RFC1: variants seen among roughly 807,000 people sequenced by gnomAD.
RFC1 encodes replication factor C subunit 1.
Under a neutral mutation model 137.4 loss-of-function variants are expected in RFC1, and 37 were observed. The observed-to-expected ratio is 0.27, with a 90% CI of 0.21 to 0.35. RFC1 has a LOEUF of 0.35. RFC1 is among the 10% of genes least tolerant of loss of function. The probability of loss-of-function intolerance (pLI) is 1.00; values close to 1 mark genes in which losing one functional copy is unlikely to be tolerated. For synonymous variants in RFC1, 429 were observed against 455.7 expected (o/e 0.94, Z 0.75); for missense variants, 1,205 against 1,358.5 (o/e 0.89, Z 1.78).
chr4:39,359,695 G>A (rs1376338413), intron 1 of RFC1, among the ~76,000 whole-genome samples: 3 of 151,916 alleles, frequency 2.0e-5, no homozygotes, highest in East Asian at 1.9e-4. Context: ...GGTGGCGGGC[G>A]CCTGTAGTCC....
chr4:39,351,976 A>G (rs1741229921), intron 1 of RFC1, among the ~76,000 whole-genome samples: 1 of 152,006 alleles, frequency 6.6e-6, no homozygotes, highest in Admixed American at 6.6e-5. Flanking sequence ...CAAAAAAAAA[A>G]AAAAAAAAGA....
rs529961293 is a variant in RFC1, at chr4:39,360,183, T to C, written c.3+6056A>G. 1.1e-4 allele frequency among the ~76,000 whole-genome samples: 16 copies of C among 152,026 alleles called. No individual in the cohort carries two copies. The South Asian group carries it at 3.1e-3, about 30-fold the overall frequency. On this transcript the variant is annotated intron_variant, in intron 1 of 24. Coordinates refer to ENST00000349703, the MANE Select transcript of RFC1 (RefSeq NM_002913.5). ...GAGTTTGAGACCAGCCTGGCCAACG[T>C]GGTGAAACCCCATCACTACTAAAAA...
chr4:39,320,576 T>C lies in RFC1; in HGVS notation c.902A>G (p.Lys301Arg), dbSNP rs1340472680. The C allele has an allele frequency of 5.6e-6, 9 of 1,613,614 alleles. No individual in the cohort carries two copies. The South Asian group carries it at 9.9e-5, about 18-fold the overall frequency. The change falls in exon 9 of 25, where the codon AAG (lysine) becomes AGG (arginine). Residue 301 changes from lysine (K) to arginine (R), a missense_variant. Lys to Arg is a conservative substitution (Grantham distance 26). Coordinates refer to ENST00000349703, the MANE Select transcript of RFC1 (RefSeq NM_002913.5). ...ESSKESQQHS[K>R]SSADKIGEVS... is the part of the protein sequence containing the mutation. ...TTCTCCTATTTTGTCAGCTGATGAC[T>C]TGGAATGTTGCTGAGATTCTTTTGA...
At chr4:39,344,311 G>C (rs1369329833) in intron 3 of RFC1, among the ~76,000 whole-genome samples, 13 of 152,074 alleles carry the variant, frequency 8.5e-5, no homozygotes, top group Non-Finnish European at 1.5e-5. Context: ...CCTTTAAATT[G>C]TGTTTATTCC....
chr4:39,291,101 C>T (rs1480983128), intron 23 of RFC1, among the ~76,000 whole-genome samples: 2 of 152,078 alleles, frequency 1.3e-5, no homozygotes, highest in Admixed American at 6.5e-5. Flanking sequence ...TACACAGGTG[C>T]AAGAGTTGGG....
intron 4 of RFC1, among the ~76,000 whole-genome samples, chr4:39,335,589 T>C (rs1490651473): frequency 6.6e-6 from 1 of 152,092 alleles, no homozygotes; most frequent in Non-Finnish European, 1.5e-5. Context: ...TGTGATGTTA[T>C]CCACCACACA....
chr4:39,289,815 T>A (rs767544379), intron 24 of RFC1, 33 bp downstream of exon 24: 1 of 1,432,686 alleles, frequency 7.0e-7, no homozygotes, highest in East Asian at 2.3e-5. Flanking sequence ...TCATCTATTT[T>A]GAGGTTCTCC....
chr4:39,355,177 C>G (rs762186157), intron 1 of RFC1, among the ~76,000 whole-genome samples: 4 of 147,004 alleles, frequency 2.7e-5, no homozygotes, highest in Non-Finnish European at 3.0e-5. Flanking sequence ...AATCCCAACA[C>G]TTTGAGAGGC....
At chr4:39,320,146 T>G (rs1176030304) in intron 9 of RFC1, among the ~76,000 whole-genome samples, 1 of 151,892 alleles carries the variant, frequency 6.6e-6, no homozygotes, top group African/African-American at 2.4e-5. Context: ...GGTCGGGAGT[T>G]CAAGACCAGC....
At chr4:39,329,529 A>C (rs1739983345) in intron 4 of RFC1, among the ~76,000 whole-genome samples, 1 of 150,844 alleles carries the variant, frequency 6.6e-6, no homozygotes, top group African/African-American at 2.4e-5. Flanking sequence ...GTGCCTCTGT[A>C]CTCCAGCCTG....
chr4:39,330,973 C>T (rs990916866), intron 4 of RFC1, among the ~76,000 whole-genome samples: 4 of 151,976 alleles, frequency 2.6e-5, no homozygotes, highest in African/African-American at 9.7e-5. Context: ...TGCCTCTTTG[C>T]CAGACGGGAA....
At chr4:39,339,693 T>C (rs536779499) in intron 4 of RFC1, among the ~76,000 whole-genome samples, 6 of 152,198 alleles carry the variant, frequency 3.9e-5, no homozygotes, top group African/African-American at 1.4e-4. Flanking sequence ...TAGGTTGTCA[T>C]TTCATTTTGT....
Position 39,303,073 on chromosome 4 carries a change from CT to C in RFC1, c.2188del (p.Arg730GlyfsTer7). ...CACTTGAATTACCTGAATTCCTCCC[CT>C]ATCCTCATTGCCTGCCATGCCATCT... is the stretch of plus-strand genomic sequence containing the variant. ...EVDGMAGNED[R>X]GGIQELIGLI... On this transcript the variant is annotated frameshift_variant, in exon 16 of 25. Coordinates refer to ENST00000349703, the MANE Select transcript of RFC1 (RefSeq NM_002913.5). LOFTEE classifies it high-confidence loss of function. 6.2e-7 allele frequency: 1 copy of C among 1,612,190 alleles called. No individual in the cohort carries two copies. The highest frequency in any genetic ancestry group is 8.5e-7 in the Non-Finnish European group (1 of 1,178,302).
chr4:39,288,367 A>G lies in RFC1; in HGVS notation c.*394T>C, dbSNP rs140455145. On this transcript the variant is annotated 3_prime_UTR_variant, in exon 25 of 25. Transcript: ENST00000349703. ...GGAACTGCCTTTAAAAAAAATCAGC[A>G]TTGGTCCTATAAAGGCCATTAGGAT... 58 of 157,372 alleles carry G rather than the reference A, an allele frequency of 3.7e-4. No homozygotes were observed. Among genetic ancestry groups the G allele is most frequent in the Admixed American group, 2.1e-3 (33 of 15,466 alleles). 9.7% of individuals were successfully genotyped at this position (157,372 alleles called of 1,614,324 possible). A position where few individuals can be genotyped will look rare whatever the true frequency, so the allele number is the denominator to read the frequency against.
chr4:39,353,325 G>A (rs1420500667), intron 1 of RFC1, among the ~76,000 whole-genome samples: 1 of 146,194 alleles, frequency 6.8e-6, no homozygotes, highest in Non-Finnish European at 1.5e-5. Context: ...GCTTGAACCT[G>A]GGAGGCAGAA....
chr4:39,320,844 G>A (rs969197969), intron 8 of RFC1, among the ~76,000 whole-genome samples, 175 bp from the exon 9 acceptor site: 1 of 152,010 alleles, frequency 6.6e-6, no homozygotes. Flanking sequence ...TTACTTATAG[G>A]ACTAAGATCA....
intron 22 of RFC1, among the ~76,000 whole-genome samples, chr4:39,294,498 C>CT (rs3068607): frequency 6.6e-6 from 1 of 151,340 alleles, no homozygotes; most frequent in South Asian, 2.1e-4. Context: ...ATGGTGAAAC[C>CT]GTCTCTACTA....
chr4:39,342,165 T>C (rs1001596997), intron 4 of RFC1, among the ~76,000 whole-genome samples, 180 bp downstream of exon 4: 2 of 152,208 alleles, frequency 1.3e-5, no homozygotes, highest in Admixed American at 1.3e-4. Flanking sequence ...TTCCCTGTAA[T>C]TGGTCCTTAA....
At chr4:39,336,304 C>CA (rs1001064509) in intron 4 of RFC1, among the ~76,000 whole-genome samples, 3 of 108,590 alleles carry the variant, frequency 2.8e-5, no homozygotes, top group South Asian at 3.6e-4. Context: ...TCCTAATTGT[C>CA]AAAAAAAGAG....
Sources: allele counts gnomAD v4.1 joint callset (sites outside exome capture counted in the v4.1 genomes callset), GRCh38; gene constraint gnomAD v4.1.1; transcripts MANE v1.5; gene names NCBI Gene and HGNC (gene_info 2026-07-23, HGNC 2026-07-21).